The following PRDM6 variants were observed in gnomAD, a reference collection of about 807,000 sequenced individuals.
PRDM6 encodes putative histone-lysine N-methyltransferase PRDM6.
PRDM6 carries 25 observed loss-of-function variants against 60.8 expected under a neutral mutation model. That is an observed-to-expected ratio of 0.41 (90% CI 0.30 to 0.57). The LOEUF is 0.57. PRDM6 is among the 20% of genes least tolerant of loss of function. The pLI is 0.27. For synonymous variants in PRDM6, 407 were observed against 357.4 expected (o/e 1.14, Z -1.57); for missense variants, 839 against 821.3 (o/e 1.02, Z -0.26).
intron 3 of PRDM6, among the ~76,000 whole-genome samples, chr5:123,138,969 G>A (rs1261463774): frequency 6.6e-6 from 1 of 152,152 alleles, no homozygotes; most frequent in South Asian, 2.1e-4. Context: ...CATGGGGGTG[G>A]TTCCCCCATG....
At chr5:123,161,363 G>A (rs2126876738) in intron 5 of PRDM6, among the ~76,000 whole-genome samples, 1 of 152,340 alleles carries the variant, frequency 6.6e-6, no homozygotes, top group East Asian at 1.9e-4. Context: ...AATGGGGGGA[G>A]ACAGATTATC....
intron 3 of PRDM6, among the ~76,000 whole-genome samples, chr5:123,108,756 G>T (rs897238124): frequency 6.6e-6 from 1 of 151,976 alleles, no homozygotes; most frequent in Non-Finnish European, 1.5e-5. Flanking sequence ...ATAAAGCAGT[G>T]GTAACCATTG....
At chr5:123,109,408 G>T (rs547833470) in intron 3 of PRDM6, among the ~76,000 whole-genome samples, 1 of 152,044 alleles carries the variant, frequency 6.6e-6, no homozygotes, top group Non-Finnish European at 1.5e-5. Context: ...TTTTCAGTTC[G>T]ATTTTAATGG....
chr5:123,147,651 A>G (rs953991665), intron 3 of PRDM6, among the ~76,000 whole-genome samples: 1 of 152,248 alleles, frequency 6.6e-6, no homozygotes, highest in Non-Finnish European at 1.5e-5. Context: ...GTCAGACATC[A>G]GCTGGCTCCA....
At chr5:123,135,414 G>T (rs1764932115) in intron 3 of PRDM6, among the ~76,000 whole-genome samples, 1 of 152,148 alleles carries the variant, frequency 6.6e-6, no homozygotes, top group African/African-American at 2.4e-5. Context: ...AGAACAGAAA[G>T]ACATCATTAA....
intron 3 of PRDM6, among the ~76,000 whole-genome samples, chr5:123,100,873 A>C (rs1176660301): frequency 2.0e-5 from 3 of 152,236 alleles, no homozygotes; most frequent in Non-Finnish European, 4.4e-5. Flanking sequence ...ACCTCCATCC[A>C]TGGAAAGTTG....
intron 3 of PRDM6, among the ~76,000 whole-genome samples, chr5:123,105,612 C>T (rs1385110609): frequency 6.6e-6 from 1 of 152,212 alleles, no homozygotes; most frequent in Non-Finnish European, 1.5e-5. Flanking sequence ...ATTTAATACA[C>T]TGGTAGTATG....
At position 123,190,198 on chromosome 5, in the gene PRDM6, T is replaced by G. The variant is rs374828017; in HGVS notation, c.*2997T>G. On this transcript the variant is annotated 3_prime_UTR_variant, in exon 8 of 8. Transcript: ENST00000407847. ...TCAATGGGGATAAAATAATAATAATTTTTTCAGAATAAGACTTTTCATCCT... is the reference window on the plus strand; with the variant it reads ...TCAATGGGGATAAAATAATAATAATGTTTTCAGAATAAGACTTTTCATCCT... The G allele has an allele frequency of 6.6e-6, 1 of 152,128 alleles. No individual in the cohort carries two copies. The highest frequency in any genetic ancestry group is 2.4e-5 in the African/African-American group (1 of 41,432). 9.4% of individuals were successfully genotyped at this position (152,128 alleles called of 1,614,324 possible).
rs1020015937 is a variant in PRDM6, at chr5:123,180,212, T to G, written c.1562T>G (p.Val521Gly). 6.4e-7 allele frequency: 1 copy of G among 1,552,032 alleles called. No homozygotes were observed. The highest frequency in any genetic ancestry group is 1.4e-5 in the African/African-American group (1 of 73,064). ...CCTTCAGAACTGAGGAACCACGTGG[T>G]CACTCACTCTAGTGACCGGCCTTTC... ...SQPSELRNHV[V>G]THSSDRPFKC... Residue 521 changes from valine to glycine, a missense_variant, in exon 7 of 8, where the codon GTC becomes GGC. Physicochemically the swap from Val to Gly is moderately radical, Grantham distance 109. Transcript: ENST00000407847.
chr5:123,115,101 C>A (rs1764404392), intron 3 of PRDM6, among the ~76,000 whole-genome samples: 1 of 152,108 alleles, frequency 6.6e-6, no homozygotes, highest in Non-Finnish European at 1.5e-5. Context: ...TTCTGTAAAC[C>A]TGTGTGAGTC....
At chr5:123,149,155 T>A (rs1452267283) in intron 3 of PRDM6, among the ~76,000 whole-genome samples, 1 of 152,220 alleles carries the variant, frequency 6.6e-6, no homozygotes, top group Non-Finnish European at 1.5e-5. Context: ...GTGATCTTTC[T>A]TCTCAAGCCT....
chr5:123,163,115 G>A (rs1198031483), intron 5 of PRDM6, among the ~76,000 whole-genome samples: 4 of 152,210 alleles, frequency 2.6e-5, no homozygotes, highest in African/African-American at 7.2e-5. Context: ...CCTCCACAGA[G>A]CCTCTTTATA....
At chr5:123,147,237 A>G (rs1373752785) in intron 3 of PRDM6, among the ~76,000 whole-genome samples, 1 of 151,894 alleles carries the variant, frequency 6.6e-6, no homozygotes, top group Non-Finnish European at 1.5e-5. Context: ...ATTGTGTCAA[A>G]GAATTTTGCA....
At chr5:123,158,502 T>A (rs1468149127) in intron 4 of PRDM6, among the ~76,000 whole-genome samples, 2 of 152,202 alleles carry the variant, frequency 1.3e-5, no homozygotes, top group Non-Finnish European at 2.9e-5. Flanking sequence ...AATAACAAGA[T>A]AAATGAAATT....
At chr5:123,178,185 T>G (rs1766060482) in intron 6 of PRDM6, among the ~76,000 whole-genome samples, 1 of 152,120 alleles carries the variant, frequency 6.6e-6, no homozygotes, top group South Asian at 2.1e-4. Context: ...ACCCCAACTT[T>G]TGACAGCAGA....
chr5:123,105,713 A>G (rs1326662675), intron 3 of PRDM6, among the ~76,000 whole-genome samples: 5 of 152,176 alleles, frequency 3.3e-5, no homozygotes, highest in Admixed American at 2.6e-4. Context: ...CTTTTTTAGG[A>G]TCGTATATAC....
At chr5:123,112,783 C>CTTTTTTTTTT (rs537426568) in intron 3 of PRDM6, among the ~76,000 whole-genome samples, 5 of 47,510 alleles carry the variant, frequency 1.1e-4, no homozygotes, top group Non-Finnish European at 1.5e-4. Flanking sequence ...TCTAATGGCT[C>CTTTTTTTTTT]TTTTTTTTTT....
chr5:123,175,675 CT>C (rs1409036638), intron 6 of PRDM6, among the ~76,000 whole-genome samples: 1 of 152,204 alleles, frequency 6.6e-6, no homozygotes, highest in African/African-American at 2.4e-5. Flanking sequence ...GAGATTTGCA[CT>C]TGGGCTGGCT....
intron 3 of PRDM6, among the ~76,000 whole-genome samples, chr5:123,114,126 G>A (rs396584): frequency 2.6e-5 from 4 of 152,324 alleles, no homozygotes; most frequent in Admixed American, 2.6e-4. Context: ...GGGAGAGTTT[G>A]ACCTGGAGAA....
Sources: allele counts gnomAD v4.1 joint callset (sites outside exome capture counted in the v4.1 genomes callset), GRCh38; gene constraint gnomAD v4.1.1; transcripts MANE v1.5; gene names NCBI Gene and HGNC (gene_info 2026-07-23, HGNC 2026-07-21).